ARHGAP42: variants seen among roughly 807,000 people sequenced by gnomAD.
ARHGAP42 encodes rho GTPase-activating protein 42.
ARHGAP42 carries 63 observed loss-of-function variants against 125.0 expected under a neutral mutation model. The observed-to-expected ratio is 0.50, with a 90% CI of 0.41 to 0.62. The LOEUF (loss-of-function observed/expected upper bound fraction) is 0.62, where lower values mean the gene tolerates loss of function less well. Ranked by LOEUF, ARHGAP42 falls within the 20% of genes least tolerant of loss-of-function variation. ARHGAP42 has a pLI of 0.00. For missense variants in ARHGAP42, 766 were observed against 1,024.2 expected (o/e 0.75, Z 3.44); for synonymous variants, 339 against 351.0 (o/e 0.97, Z 0.38).
intron 12 of ARHGAP42, 94 bp downstream of exon 12, chr11:100,950,050 T>A: frequency 1.4e-6 from 1 of 705,816 alleles, no homozygotes; most frequent in Non-Finnish European, 2.2e-6. Flanking sequence ...GGAAATAGTA[T>A]AACACCATTG....
At chr11:100,956,292 G>T (rs1005484922) in intron 12 of ARHGAP42, among the ~76,000 whole-genome samples, 2 of 152,138 alleles carry the variant, frequency 1.3e-5, no homozygotes, top group Non-Finnish European at 2.9e-5. Context: ...AACTGGCCAG[G>T]TTATGCTTAG....
chr11:100,908,478 A>G (rs1040403161), intron 4 of ARHGAP42, among the ~76,000 whole-genome samples: 2 of 152,186 alleles, frequency 1.3e-5, no homozygotes, highest in Admixed American at 1.3e-4. Flanking sequence ...TCTGACTTAT[A>G]AGTTAGAACA....
chr11:100,984,066 A>G (rs1200024985), intron 22 of ARHGAP42, among the ~76,000 whole-genome samples: 1 of 152,074 alleles, frequency 6.6e-6, no homozygotes, highest in Non-Finnish European at 1.5e-5. Flanking sequence ...GCAGTGAGCC[A>G]TGATTGCACT....
intron 1 of ARHGAP42, among the ~76,000 whole-genome samples, chr11:100,740,939 C>T (rs1862171722): frequency 6.6e-6 from 1 of 152,156 alleles, no homozygotes; most frequent in Non-Finnish European, 1.5e-5. Context: ...ATTCTAGTCC[C>T]ATGGGCTTGA....
Position 100,928,439 on chromosome 11 carries a change from T to C in ARHGAP42, c.598-4717T>C, listed in dbSNP as rs185736419. 3.6e-3 allele frequency among the ~76,000 whole-genome samples: 540 copies of C among 152,032 alleles called. 3 individuals carry two copies. Among genetic ancestry groups the C allele is most frequent in the African/African-American group, 0.013 (521 of 41,486 alleles). ...GGCAAAACCCCACCTCTACAAAAAT[T>C]AGTTGGGCATGGTGTCATGCGCCTG... On this transcript the variant is annotated intron_variant, in intron 6 of 23. Coordinates refer to ENST00000298815, the MANE Select transcript of ARHGAP42 (RefSeq NM_152432.4).
At chr11:100,790,229 T>C (rs1046765324) in intron 2 of ARHGAP42, among the ~76,000 whole-genome samples, 1 of 152,176 alleles carries the variant, frequency 6.6e-6, no homozygotes, top group Non-Finnish European at 1.5e-5. Context: ...ATTTATGATA[T>C]TGGCAAATAT....
intron 5 of ARHGAP42, among the ~76,000 whole-genome samples, chr11:100,917,559 A>G (rs1344027992): frequency 6.6e-6 from 1 of 151,926 alleles, no homozygotes; most frequent in Non-Finnish European, 1.5e-5. Context: ...TAGTATTATG[A>G]TTATGATTAT....
intron 4 of ARHGAP42, among the ~76,000 whole-genome samples, chr11:100,899,011 A>G (rs1866448081): frequency 6.6e-6 from 1 of 152,168 alleles, no homozygotes; most frequent in African/African-American, 2.4e-5. Context: ...ACACTGCTTT[A>G]AATGTGTCCC....
chr11:100,723,042 T>C (rs1861792842), intron 1 of ARHGAP42, among the ~76,000 whole-genome samples: 1 of 152,218 alleles, frequency 6.6e-6, no homozygotes, highest in Admixed American at 6.5e-5. Flanking sequence ...TCCAGCATCA[T>C]TTGTTTAAAA....
chr11:100,779,465 AAAAT>A lies in ARHGAP42; in HGVS notation c.250+9029_250+9032del, dbSNP rs1469595995. Among the ~76,000 whole-genome samples, 6 of 93,276 alleles carry A rather than the reference AAAAT, an allele frequency of 6.4e-5. 1 individual carries two copies. The highest frequency in any genetic ancestry group is 2.4e-4 in the African/African-American group (6 of 24,862). 61.2% of individuals were successfully genotyped at this position (93,276 alleles called of 152,430 possible). On this transcript the variant is annotated intron_variant, in intron 2 of 23. Transcript: ENST00000298815. ...CGTCTCAAAAAAAAAAAAAAAAAAAAAAATATATATATATATATATACACACACA... is the reference window on the plus strand; with the variant it reads ...CGTCTCAAAAAAAAAAAAAAAAAAAAATATATATATATATATACACACACA...
At position 100,800,686 on chromosome 11, in the gene ARHGAP42, A is replaced by G. The variant is rs150879954; in HGVS notation, c.312+5520A>G. ...CATGTTTCTGTTTTTGGGGCAGGGA[A>G]GAAATTCTGCTTTCGTGAAATCATA... On this transcript the variant is annotated intron_variant, in intron 3 of 23. Coordinates refer to ENST00000298815, the MANE Select transcript of ARHGAP42 (RefSeq NM_152432.4). Among the ~76,000 whole-genome samples, 562 of 152,342 alleles carry G rather than the reference A, an allele frequency of 3.7e-3. 6 individuals carry two copies. The highest frequency in any genetic ancestry group is 0.013 in the African/African-American group (536 of 41,576).
At chr11:100,700,975 C>T (rs1380880728) in intron 1 of ARHGAP42, among the ~76,000 whole-genome samples, 3 of 152,170 alleles carry the variant, frequency 2.0e-5, no homozygotes, top group African/African-American at 2.4e-5. Context: ...CAAAATGTAT[C>T]TCTTAAATCA....
chr11:100,823,481 C>A (rs528052727), intron 3 of ARHGAP42, among the ~76,000 whole-genome samples: 13 of 152,230 alleles, frequency 8.5e-5, no homozygotes, highest in Admixed American at 7.9e-4. Flanking sequence ...TTCCCTCCAT[C>A]AAATTTATGT....
chr11:100,804,480 T>A (rs969866154), intron 3 of ARHGAP42, among the ~76,000 whole-genome samples: 18 of 151,934 alleles, frequency 1.2e-4, no homozygotes, highest in Non-Finnish European at 1.6e-4. Flanking sequence ...TTTTAAAACA[T>A]AAAGTTAATA....
intron 3 of ARHGAP42, among the ~76,000 whole-genome samples, chr11:100,802,835 C>A (rs903109984): frequency 1.3e-5 from 2 of 152,116 alleles, no homozygotes; most frequent in African/African-American, 2.4e-5. Flanking sequence ...CAGCTTTGTC[C>A]TTTCCTCTGC....
intron 1 of ARHGAP42, among the ~76,000 whole-genome samples, chr11:100,717,367 G>C (rs1861680614): frequency 6.6e-6 from 1 of 152,176 alleles, no homozygotes; most frequent in Non-Finnish European, 1.5e-5. Flanking sequence ...GCCGGGCGCG[G>C]TGGCTCATGC....
rs117282793 is a variant in ARHGAP42, at chr11:100,953,254, C to T, written c.1162+3298C>T. On this transcript the variant is annotated intron_variant, in intron 12 of 23. Coordinates refer to ENST00000298815, the MANE Select transcript of ARHGAP42 (RefSeq NM_152432.4). ...ACCAGCCCTAACTCACCGGCCACTTCGAAGAGTACTCATTTATATCCTCCA... is the reference window on the plus strand; with the variant it reads ...ACCAGCCCTAACTCACCGGCCACTTTGAAGAGTACTCATTTATATCCTCCA... Among the ~76,000 whole-genome samples, 43 of 152,170 alleles carry T rather than the reference C, an allele frequency of 2.8e-4. 1 individual carries two copies. The East Asian group carries it at 5.6e-3, about 20-fold the overall frequency.
At chr11:100,752,628 G>A (rs1427239072) in intron 1 of ARHGAP42, among the ~76,000 whole-genome samples, 1 of 152,216 alleles carries the variant, frequency 6.6e-6, no homozygotes, top group Non-Finnish European at 1.5e-5. Flanking sequence ...ATCCAGTGAT[G>A]TAACCTGTCC....
intron 2 of ARHGAP42, among the ~76,000 whole-genome samples, chr11:100,777,347 T>A (rs865997556): frequency 3.9e-5 from 6 of 152,206 alleles, no homozygotes; most frequent in South Asian, 2.1e-4. Context: ...CTCACATTGA[T>A]CTGTAGATAG....
Sources: gnomAD v4.1 joint callset for allele counts (sites outside exome capture counted in the v4.1 genomes callset) on GRCh38, gnomAD v4.1.1 for gene constraint, MANE v1.5 for transcripts, NCBI Gene and HGNC (gene_info 2026-07-23, HGNC 2026-07-21) for gene names.